The following NRXN3 variants were observed in gnomAD, a reference collection of about 807,000 sequenced individuals.
The protein encoded by NRXN3 is neurexin 3, also known as neurexin III.
In NRXN3, 32 loss-of-function variants were observed where a neutral mutation model predicts 137.6. The ratio of observed to expected loss-of-function variants is 0.23; its 90% CI spans 0.18 to 0.31. The LOEUF (loss-of-function observed/expected upper bound fraction) is 0.31, where lower values mean the gene tolerates loss of function less well. NRXN3 is among the 10% of genes least tolerant of loss of function. The probability of loss-of-function intolerance (pLI) is 1.00; values close to 1 mark genes in which losing one functional copy is unlikely to be tolerated. For synonymous variants in NRXN3, 798 were observed against 784.5 expected (o/e 1.02, Z -0.29); for missense variants, 1,574 against 2,062.5 (o/e 0.76, Z 4.59).
At chr14:79,276,709 T>TAAAAAAAAAAAAAA in intron 15 of NRXN3, among the ~76,000 whole-genome samples, 1 of 122,028 alleles carries the variant, frequency 8.2e-6, no homozygotes, top group Non-Finnish European at 1.8e-5. Flanking sequence ...CAATGCCAAT[T>TAAAAAAAAAAAAAA]AAAAAAAAAA....
chr14:79,091,814 G>A (rs560468580), intron 15 of NRXN3, among the ~76,000 whole-genome samples: 1 of 152,108 alleles, frequency 6.6e-6, no homozygotes, highest in South Asian at 2.1e-4. Flanking sequence ...AAAAGTGAAT[G>A]ATTAGGGAGA....
At chr14:78,643,149 A>G (rs2097652014) in intron 4 of NRXN3, among the ~76,000 whole-genome samples, 1 of 152,232 alleles carries the variant, frequency 6.6e-6, no homozygotes, top group African/African-American at 2.4e-5. Context: ...TTTTCACATT[A>G]TAAAATATCT....
chr14:78,586,469 A>C (rs937460650), intron 4 of NRXN3, among the ~76,000 whole-genome samples: 5 of 152,242 alleles, frequency 3.3e-5, no homozygotes, highest in African/African-American at 1.2e-4. Flanking sequence ...CATAAAAATT[A>C]AAGTAGATGA....
At chr14:79,686,725 CA>C (rs2098696749) in intron 17 of NRXN3, among the ~76,000 whole-genome samples, 1 of 152,178 alleles carries the variant, frequency 6.6e-6, no homozygotes, top group African/African-American at 2.4e-5. Context: ...ATATTCTTTT[CA>C]CTCATGTTTG....
intron 1 of NRXN3, among the ~76,000 whole-genome samples, chr14:78,201,578 C>G (rs984798019): frequency 1.3e-5 from 2 of 152,196 alleles, no homozygotes; most frequent in African/African-American, 2.4e-5. Context: ...GGGGAGCCTG[C>G]ATCGAGGACT....
At chr14:78,531,712 G>A (rs1328796695) in intron 4 of NRXN3, among the ~76,000 whole-genome samples, 1 of 152,128 alleles carries the variant, frequency 6.6e-6, no homozygotes, top group African/African-American at 2.4e-5. Context: ...GTTCCATTAA[G>A]TGATAGATAA....
At chr14:78,349,993 T>C (rs2083262285) in intron 4 of NRXN3, among the ~76,000 whole-genome samples, 1 of 152,126 alleles carries the variant, frequency 6.6e-6, no homozygotes, top group Non-Finnish European at 1.5e-5. Flanking sequence ...ACTATTGAAA[T>C]TGTTAGAAGA....
intron 3 of NRXN3, among the ~76,000 whole-genome samples, chr14:78,281,532 G>A (rs2153504859): frequency 6.6e-6 from 1 of 152,284 alleles, no homozygotes; most frequent in East Asian, 1.9e-4. Flanking sequence ...TGGAGCAAGA[G>A]CCCAGGGCAC....
At chr14:79,039,367 A>G (rs1486246423) in intron 15 of NRXN3, among the ~76,000 whole-genome samples, 2 of 152,174 alleles carry the variant, frequency 1.3e-5, no homozygotes, top group East Asian at 3.9e-4. Context: ...CTGAGGATTA[A>G]TATAACAGTT....
In NRXN3 at chr14:78,241,984, A is replaced by C. The variant is rs368369348; in HGVS notation, c.-703-407A>C. Among the ~76,000 whole-genome samples the C allele has an allele frequency of 2.6e-5, 4 of 152,174 alleles. No homozygotes were observed. The South Asian group carries it at 8.3e-4, about 32-fold the overall frequency. On this transcript the variant is annotated intron_variant, in intron 1 of 20. Coordinates refer to ENST00000335750, the MANE Select transcript of NRXN3 (RefSeq NM_001330195.2). ...GTGAGTTGTCAAATTGAAAAGGAAAAATCTAGAAAAAAGTTAATGTCATTT... is the reference window on the plus strand; with the variant it reads ...GTGAGTTGTCAAATTGAAAAGGAAACATCTAGAAAAAAGTTAATGTCATTT...
At chr14:79,826,448 A>G (rs2099301797) in intron 20 of NRXN3, among the ~76,000 whole-genome samples, 1 of 152,220 alleles carries the variant, frequency 6.6e-6, no homozygotes, top group South Asian at 2.1e-4. Context: ...GTGTGAGTGT[A>G]CATGCACACA....
At position 79,358,597 on chromosome 14, in the gene NRXN3, AAGAAAGAAAG is replaced by A. The variant is rs1482955988; in HGVS notation, c.3263-108612_3263-108603del. 4.9e-4 allele frequency among the ~76,000 whole-genome samples: 40 copies of A among 81,858 alleles called. 2 individuals are homozygous for A. The South Asian group carries it at 7.3e-3, about 15-fold the overall frequency. The allele number at this position is 81,858 out of a possible 152,430, so 53.7% of individuals were successfully genotyped here. ...AAAGAAAGAAAGAGAGAAAGAAAGAAAGAAAGAAAGAGAAAGAAAGAAAGAAAGAAAGAAA... is the reference window on the plus strand; with the variant it reads ...AAAGAAAGAAAGAGAGAAAGAAAGAAAGAAAGAAAGAAAGAAAGAAAGAAA... On this transcript the variant is annotated intron_variant, in intron 15 of 20. Transcript: ENST00000335750.
At chr14:78,663,125 A>G (rs894892211) in intron 6 of NRXN3, among the ~76,000 whole-genome samples, 2 of 152,156 alleles carry the variant, frequency 1.3e-5, no homozygotes, top group Non-Finnish European at 1.5e-5. Context: ...ACATCATTCT[A>G]AGTGTTGGAG....
At chr14:78,560,444 A>G (rs2152265643) in intron 4 of NRXN3, among the ~76,000 whole-genome samples, 1 of 152,328 alleles carries the variant, frequency 6.6e-6, no homozygotes, top group East Asian at 1.9e-4. Flanking sequence ...TTCATAATGC[A>G]TGAGTGTTTA....
chr14:79,866,171 C>T lies in NRXN3; in HGVS notation c.*4207C>T, dbSNP rs773208286. Reference sequence around the variant, plus strand: ...GCTCATATTCAAATTGAAGTTTGATCTTTCTCCAAAAAATATCCAAGCCCT... The same window carrying T: ...GCTCATATTCAAATTGAAGTTTGATTTTTCTCCAAAAAATATCCAAGCCCT... On this transcript the variant is annotated 3_prime_UTR_variant, in exon 21 of 21. Transcript: ENST00000335750. 8 of 152,174 alleles carry T rather than the reference C, an allele frequency of 5.3e-5. No homozygotes were observed. Among genetic ancestry groups the T allele is most frequent in the Non-Finnish European group, 8.8e-5 (6 of 68,028 alleles). The allele number at this position is 152,174 out of a possible 1,614,324, so 9.4% of individuals were successfully genotyped here.
At chr14:78,822,714 A>C (rs1306885383) in intron 10 of NRXN3, among the ~76,000 whole-genome samples, 2 of 151,542 alleles carry the variant, frequency 1.3e-5, no homozygotes, top group Admixed American at 6.6e-5. Flanking sequence ...AACAAACAAA[A>C]AAAAAAAAAA....
At chr14:79,282,372 A>G (rs1284148776) in intron 15 of NRXN3, among the ~76,000 whole-genome samples, 1 of 152,178 alleles carries the variant, frequency 6.6e-6, no homozygotes, top group African/African-American at 2.4e-5. Flanking sequence ...ATTATGCATT[A>G]CAGGTTATGG....
At chr14:78,419,951 G>A (rs1001492359) in intron 4 of NRXN3, among the ~76,000 whole-genome samples, 42 of 21,990 alleles carry the variant, frequency 1.9e-3, no homozygotes, top group South Asian at 5.5e-3. Flanking sequence ...GTGTGCGCGC[G>A]CGCGCGCACG....
rs192504046 is a variant in NRXN3 at position 78,904,624 on chromosome 14, C to T, written c.2276-52618C>T. The stretch of plus-strand genomic sequence containing the variant: ...ATTCTAGCTTCTTATTTTCAACTCT[C>T]AGGAGGCCATTTTTATTTGAATGAT... On this transcript the variant is annotated intron_variant, in intron 10 of 20. Coordinates refer to ENST00000335750, the MANE Select transcript of NRXN3 (RefSeq NM_001330195.2). Among the ~76,000 whole-genome samples, 9 of 152,170 alleles carry T rather than the reference C, an allele frequency of 5.9e-5. No homozygotes were observed. The East Asian group carries it at 1.8e-3, about 30-fold the overall frequency.
Sources: gnomAD v4.1 joint callset for allele counts (sites outside exome capture counted in the v4.1 genomes callset) on GRCh38, gnomAD v4.1.1 for gene constraint, MANE v1.5 for transcripts, NCBI Gene and HGNC (gene_info 2026-07-23, HGNC 2026-07-21) for gene names.